The following CSMD1 variants were observed in gnomAD, a reference collection of about 807,000 sequenced individuals.
CSMD1 encodes the protein CUB and sushi domain-containing protein 1.
Under a neutral mutation model 417.5 loss-of-function variants are expected in CSMD1, and 213 were observed. The ratio of observed to expected loss-of-function variants is 0.51; its 90% CI spans 0.46 to 0.57. The LOEUF (loss-of-function observed/expected upper bound fraction) is 0.57. CSMD1 is among the 20% of genes least tolerant of loss of function. The probability of loss-of-function intolerance (pLI) is 0.00; values close to 1 mark genes in which losing one functional copy is unlikely to be tolerated. For synonymous variants in CSMD1, 2,862 were observed against 1,736.8 expected, an observed-to-expected ratio of 1.65 and a Z score of -16.11; for missense variants, 6,923 against 4,529.7, an observed-to-expected ratio of 1.53 and a Z score of -15.17.
chr8:3,541,721 A>T (rs1049096338), intron 10 of CSMD1, among the ~76,000 whole-genome samples: 1 of 148,172 alleles, frequency 6.7e-6, no homozygotes, highest in Admixed American at 6.7e-5. Context: ...TTTATCAACA[A>T]TTAAAAATTA....
intron 3 of CSMD1, among the ~76,000 whole-genome samples, chr8:4,186,421 G>C (rs748037402): frequency 1.4e-4 from 22 of 152,228 alleles, no homozygotes; most frequent in Middle Eastern, 3.4e-3. Context: ...GACACACTGA[G>C]AGTAAGTTTA....
chr8:4,034,416 C>A (rs754885953), intron 3 of CSMD1, among the ~76,000 whole-genome samples: 16 of 152,186 alleles, frequency 1.1e-4, no homozygotes, highest in Non-Finnish European at 2.1e-4. Flanking sequence ...AAATAGTTCA[C>A]TATTGTCTGC....
chr8:4,166,390 T>C (rs959165068), intron 3 of CSMD1, among the ~76,000 whole-genome samples: 1 of 152,100 alleles, frequency 6.6e-6, no homozygotes, highest in Non-Finnish European at 1.5e-5. Flanking sequence ...GTTCCCACAA[T>C]TAAAGATAAA....
intron 56 of CSMD1, among the ~76,000 whole-genome samples, chr8:2,973,971 G>T (rs1193751548): frequency 7.2e-6 from 1 of 139,486 alleles, no homozygotes; most frequent in Non-Finnish European, 1.5e-5. Context: ...GGTAGAGGAT[G>T]GTGGTAGAGG....
chr8:3,963,872 G>C (rs190407808), intron 5 of CSMD1, among the ~76,000 whole-genome samples: 130 of 152,270 alleles, frequency 8.5e-4, no homozygotes, highest in African/African-American at 3.1e-3. Context: ...TGAAGGTATA[G>C]ATGTTAACTG....
At chr8:4,095,952 C>G (rs1318205737) in intron 3 of CSMD1, among the ~76,000 whole-genome samples, 2 of 152,014 alleles carry the variant, frequency 1.3e-5, no homozygotes, top group South Asian at 2.1e-4. Flanking sequence ...AAGATTCATG[C>G]CTAAAAGAAG....
chr8:4,148,221 T>TGGG (rs546514235), intron 3 of CSMD1, among the ~76,000 whole-genome samples: 340 of 152,066 alleles, frequency 2.2e-3, no homozygotes, highest in African/African-American at 7.8e-3. Flanking sequence ...TGCTATAGAC[T>TGGG]GGGCAACTTT....
chr8:3,248,954 C>G (rs1164786520), intron 26 of CSMD1, among the ~76,000 whole-genome samples: 1 of 152,086 alleles, frequency 6.6e-6, no homozygotes, highest in Non-Finnish European at 1.5e-5. Flanking sequence ...GTTCCCCGCA[C>G]TCCACCTCGG....
chr8:3,511,159 T>G (rs771930830), intron 10 of CSMD1, among the ~76,000 whole-genome samples: 8 of 151,572 alleles, frequency 5.3e-5, no homozygotes, highest in Non-Finnish European at 1.0e-4. Context: ...ATGTTCTCAG[T>G]AATAAGTGGG....
intron 38 of CSMD1, among the ~76,000 whole-genome samples, chr8:3,161,412 T>G (rs931128573): frequency 2.6e-5 from 4 of 151,792 alleles, no homozygotes; most frequent in Non-Finnish European, 4.4e-5. Flanking sequence ...AGGTCAGGAG[T>G]TCGAGACCAG....
chr8:3,211,565 T>C (rs1797608613), intron 30 of CSMD1, among the ~76,000 whole-genome samples: 1 of 152,156 alleles, frequency 6.6e-6, no homozygotes, highest in Non-Finnish European at 1.5e-5. Context: ...GATTTACTAG[T>C]TTTGGGGAGC....
intron 1 of CSMD1, among the ~76,000 whole-genome samples, chr8:4,748,662 A>T (rs778679716): frequency 5.3e-5 from 8 of 152,246 alleles, no homozygotes; most frequent in African/African-American, 9.6e-5. Flanking sequence ...TTAAATTTTT[A>T]GTCTAAAATT....
chr8:4,203,186 AGTG>A (rs1799765373), intron 3 of CSMD1, among the ~76,000 whole-genome samples: 1 of 152,168 alleles, frequency 6.6e-6, no homozygotes, highest in Non-Finnish European at 1.5e-5. Context: ...AAAAATCGTC[AGTG>A]AGATGCAACC....
intron 2 of CSMD1, among the ~76,000 whole-genome samples, chr8:4,495,448 G>A (rs1015235531): frequency 2.0e-5 from 3 of 151,962 alleles, no homozygotes; most frequent in Admixed American, 6.6e-5. Flanking sequence ...GGTGACGTGT[G>A]CCTGTAATCC....
chr8:4,988,744 C>A (rs1400461289), intron 1 of CSMD1, among the ~76,000 whole-genome samples: 2 of 152,164 alleles, frequency 1.3e-5, no homozygotes, highest in African/African-American at 4.8e-5. Flanking sequence ...CAGGTTGATA[C>A]AAATGGTTTA....
chr8:3,377,635 G>A (rs747798381), intron 18 of CSMD1, among the ~76,000 whole-genome samples: 2 of 151,862 alleles, frequency 1.3e-5, no homozygotes, highest in Non-Finnish European at 2.9e-5. Context: ...AACCTACTTT[G>A]CTAAACCTCC....
intron 2 of CSMD1, among the ~76,000 whole-genome samples, chr8:4,455,619 T>G (rs561623742): frequency 7.9e-5 from 12 of 151,828 alleles, no homozygotes; most frequent in Non-Finnish European, 1.5e-4. Flanking sequence ...TATTTTCTCT[T>G]TCAGGAGGAA....
intron 3 of CSMD1, among the ~76,000 whole-genome samples, chr8:4,057,871 G>A (rs971013486): frequency 6.6e-6 from 1 of 152,116 alleles, no homozygotes; most frequent in Non-Finnish European, 1.5e-5. Flanking sequence ...TCTGCAGGCT[G>A]TGTTCTGTTC....
At chr8:3,832,085 G>T (rs144414296) in intron 5 of CSMD1, among the ~76,000 whole-genome samples, 1 of 152,130 alleles carries the variant, frequency 6.6e-6, no homozygotes, top group African/African-American at 2.4e-5. Flanking sequence ...GGTATCTCAT[G>T]TGTGGAATCC....
Sources: gnomAD v4.1 joint callset for allele counts (sites outside exome capture counted in the v4.1 genomes callset) on GRCh38, gnomAD v4.1.1 for gene constraint, MANE v1.5 for transcripts, NCBI Gene and HGNC (gene_info 2026-07-23, HGNC 2026-07-21) for gene names.